The following PTPRT variants were observed in gnomAD, a reference collection of about 807,000 sequenced individuals.
PTPRT encodes the protein protein tyrosine phosphatase receptor type T.
In PTPRT, 56 loss-of-function variants were observed where a neutral mutation model predicts 176.8. The observed-to-expected ratio is 0.32, with a 90% CI of 0.26 to 0.40. The LOEUF is 0.40. Among genes scored for constraint, PTPRT ranks in the 10% least tolerant of loss-of-function variants. The pLI is 1.00. For missense variants in PTPRT, 1,540 were observed against 1,908.2 expected (o/e 0.81, Z 3.60); for synonymous variants, 783 against 739.0 (o/e 1.06, Z -0.96).
At chr20:42,959,326 G>A (rs1336155199) in intron 1 of PTPRT, among the ~76,000 whole-genome samples, 1 of 152,166 alleles carries the variant, frequency 6.6e-6, no homozygotes, top group Non-Finnish European at 1.5e-5. Context: ...AAAAGTTAGA[G>A]AAACGGTGAT....
chr20:42,339,970 C>T (rs550777170), intron 11 of PTPRT, among the ~76,000 whole-genome samples: 2 of 152,132 alleles, frequency 1.3e-5, no homozygotes, highest in Admixed American at 6.5e-5. Context: ...ACCTCTCTCC[C>T]CAAACGCCTG....
the PTPRT span, among the ~76,000 whole-genome samples, chr20:42,044,162 GC>G: frequency 5.3e-5 from 8 of 152,228 alleles, no homozygotes; most frequent in Non-Finnish European, 1.0e-4. Context: ...GGAGGGGTAA[GC>G]CAAGGGCTTA....
chr20:42,368,204 G>A (rs981937902), intron 9 of PTPRT, among the ~76,000 whole-genome samples: 4 of 152,158 alleles, frequency 2.6e-5, no homozygotes, highest in Non-Finnish European at 5.9e-5. Flanking sequence ...GGAAGAACAA[G>A]GACATAGATT....
the PTPRT span, among the ~76,000 whole-genome samples, chr20:42,035,120 A>G: frequency 6.6e-6 from 1 of 152,164 alleles, no homozygotes; most frequent in Non-Finnish European, 1.5e-5. Context: ...CGTCTGGGAC[A>G]TGGGAGATCT....
intron 1 of PTPRT, among the ~76,000 whole-genome samples, chr20:42,975,280 C>T (rs1371470919): frequency 1.3e-5 from 2 of 152,002 alleles, no homozygotes; most frequent in African/African-American, 2.4e-5. Context: ...AGTGCATATG[C>T]TATGGTTACA....
At chr20:42,430,005 G>A (rs1187835153) in intron 9 of PTPRT, among the ~76,000 whole-genome samples, 1 of 152,242 alleles carries the variant, frequency 6.6e-6, no homozygotes, top group African/African-American at 2.4e-5. Flanking sequence ...AGTTAAAGAG[G>A]AGGTTAGGTT....
At chr20:42,701,020 G>A (rs1382394947) in intron 6 of PTPRT, among the ~76,000 whole-genome samples, 6 of 152,086 alleles carry the variant, frequency 3.9e-5, no homozygotes, top group African/African-American at 1.2e-4. Flanking sequence ...CCGCCACAAG[G>A]CTACATACAG....
chr20:42,679,294 T>C (rs1490621964), intron 6 of PTPRT, among the ~76,000 whole-genome samples: 4 of 146,818 alleles, frequency 2.7e-5, no homozygotes, highest in African/African-American at 1.1e-4. Flanking sequence ...TTAACTTTAA[T>C]GGGGAAAAAA....
intron 13 of PTPRT, among the ~76,000 whole-genome samples, chr20:42,272,108 T>C (rs997931361): frequency 6.6e-6 from 1 of 152,190 alleles, no homozygotes; most frequent in African/African-American, 2.4e-5. Context: ...AGCCATGAGC[T>C]ATAAATGCTT....
At chr20:42,991,592 GA>G (rs1434349621) in intron 1 of PTPRT, among the ~76,000 whole-genome samples, 1 of 152,080 alleles carries the variant, frequency 6.6e-6, no homozygotes, top group African/African-American at 2.4e-5. Flanking sequence ...ACTGTTTAAT[GA>G]ACACAGCTTT....
chr20:43,033,627 T>C (rs900424214), intron 1 of PTPRT, among the ~76,000 whole-genome samples: 4 of 152,164 alleles, frequency 2.6e-5, no homozygotes, highest in African/African-American at 4.8e-5. Context: ...AATGAAAAGA[T>C]GAGTAAATGC....
chr20:43,154,569 T>C (rs565318081), intron 1 of PTPRT, among the ~76,000 whole-genome samples: 1 of 152,354 alleles, frequency 6.6e-6, no homozygotes, highest in Non-Finnish European at 1.5e-5. Context: ...ATCATTGGTA[T>C]TTTCATAGGG....
the PTPRT span, among the ~76,000 whole-genome samples, chr20:42,042,982 G>A: frequency 1.3e-3 from 199 of 152,294 alleles, no homozygotes; most frequent in Non-Finnish European, 2.2e-3. Context: ...AAACATCACC[G>A]CTTTTTAGAG....
At chr20:42,382,610 G>A (rs1279082050) in intron 9 of PTPRT, among the ~76,000 whole-genome samples, 3 of 152,146 alleles carry the variant, frequency 2.0e-5, no homozygotes, top group Non-Finnish European at 4.4e-5. Context: ...GGAAAACAGG[G>A]GGAGAAGGGG....
intron 7 of PTPRT, among the ~76,000 whole-genome samples, chr20:42,590,512 G>C (rs1488832506): frequency 2.0e-5 from 3 of 152,050 alleles, no homozygotes; most frequent in Non-Finnish European, 4.4e-5. Context: ...GCTTAGTGGG[G>C]ACATAAAAAA....
intron 1 of PTPRT, among the ~76,000 whole-genome samples, chr20:43,013,101 C>A (rs1985208216): frequency 6.6e-6 from 1 of 151,956 alleles, no homozygotes; most frequent in African/African-American, 2.4e-5. Flanking sequence ...CTAACAGGTA[C>A]ACTGTATATC....
intron 11 of PTPRT, among the ~76,000 whole-genome samples, chr20:42,318,570 A>G (rs1366764604): frequency 2.0e-5 from 3 of 152,102 alleles, no homozygotes; most frequent in African/African-American, 7.2e-5. Context: ...ACCTAAGAAC[A>G]CTGCATTGGA....
intron 1 of PTPRT, among the ~76,000 whole-genome samples, chr20:42,922,447 G>A (rs998674977): frequency 6.6e-6 from 1 of 152,200 alleles, no homozygotes; most frequent in Non-Finnish European, 1.5e-5. Context: ...ACTCAGGCCT[G>A]TATATCTAAC....
chr20:42,481,621 G>T (rs1200780492), intron 7 of PTPRT, among the ~76,000 whole-genome samples: 1 of 151,766 alleles, frequency 6.6e-6, no homozygotes, highest in Non-Finnish European at 1.5e-5. Context: ...ATCACATCTG[G>T]TTAGTTTTTT....
Sources: allele counts gnomAD v4.1 joint callset (sites outside exome capture counted in the v4.1 genomes callset), GRCh38; gene constraint gnomAD v4.1.1; transcripts MANE v1.5; gene names NCBI Gene and HGNC (gene_info 2026-07-23, HGNC 2026-07-21).